CCDC92: variants seen among roughly 807,000 people sequenced by gnomAD.
CCDC92 encodes coiled-coil domain-containing protein 92.
In CCDC92, 12 loss-of-function variants were observed where a neutral mutation model predicts 24.9. The ratio of observed to expected loss-of-function variants is 0.48; its 90% CI spans 0.31 to 0.78. The LOEUF (loss-of-function observed/expected upper bound fraction) is 0.78, where lower values mean the gene tolerates loss of function less well. Among genes scored for constraint, CCDC92 ranks in the 30% least tolerant of loss-of-function variants. The probability of loss-of-function intolerance (pLI) is 0.05; values close to 1 mark genes in which losing one functional copy is unlikely to be tolerated. For synonymous variants in CCDC92, 193 were observed against 196.3 expected, an observed-to-expected ratio of 0.98 and a Z score of 0.14; for missense variants, 399 against 439.4, an observed-to-expected ratio of 0.91 and a Z score of 0.82.
At chr12:123,939,819 C>A (rs1955631642) in intron 4 of CCDC92, among the ~76,000 whole-genome samples, 1 of 152,188 alleles carries the variant, frequency 6.6e-6, no homozygotes, top group South Asian at 2.1e-4. Context: ...CCCAGGAGCC[C>A]AGCCACCTGG....
rs774587971 is a variant in CCDC92, at chr12:123,937,565, G to A, written c.489C>T (p.His163=). 8.7e-6 allele frequency: 14 copies of A among 1,612,740 alleles called. No homozygotes were observed. The highest frequency in any genetic ancestry group is 4.5e-5 in the East Asian group (2 of 44,870). ...AGCTCATGAGCTTCTTCTTGGCGGC[G>A]TGCAGCTGGGAGGTCAGGTAGGCGA... ...STIAYLTSQL[H]AAKKKLMSSS... Residue 163 remains histidine (H), a synonymous_variant, in exon 5 of 5, where the codon CAC becomes CAT. Transcript: ENST00000238156. This position sits in a 1 kb window ranked among gnomAD's most constrained non-coding sequence, Gnocchi z 8.4.
chr12:123,962,181 A>G (rs7312404), intron 1 of CCDC92, among the ~76,000 whole-genome samples: 48,595 of 152,042 alleles, frequency 0.32, 7,928 homozygotes, highest in Middle Eastern at 0.37. Flanking sequence ...AGAATAAGAG[A>G]AAATGCTTCC....
chr12:123,940,131 C>G (rs1191827102), intron 4 of CCDC92, among the ~76,000 whole-genome samples: 3 of 152,216 alleles, frequency 2.0e-5, no homozygotes, highest in Admixed American at 6.5e-5. Context: ...GGGCTTTGCT[C>G]ATGTCCTGTG....
chr12:123,951,827 G>C (rs1377565391), intron 1 of CCDC92, among the ~76,000 whole-genome samples: 1 of 152,178 alleles, frequency 6.6e-6, no homozygotes, highest in Non-Finnish European at 1.5e-5. Context: ...TGTAACAGGA[G>C]GATAAAATGA....
intron 1 of CCDC92, among the ~76,000 whole-genome samples, chr12:123,952,899 G>A (rs1223796011): frequency 6.6e-6 from 1 of 152,168 alleles, no homozygotes; most frequent in Admixed American, 6.5e-5. Context: ...GTGAGGTTGA[G>A]AGCTTAGCAC....
At chr12:123,943,218 A>C in intron 3 of CCDC92, 129 bp downstream of exon 3, 2 of 947,162 alleles carry the variant, frequency 2.1e-6, no homozygotes, top group Non-Finnish European at 3.1e-6. Flanking sequence ...GGATGATATA[A>C]GGCATTCAGA....
chr12:123,968,821 C>T (rs1481910712), intron 1 of CCDC92, among the ~76,000 whole-genome samples: 1 of 152,196 alleles, frequency 6.6e-6, no homozygotes, highest in Non-Finnish European at 1.5e-5. Flanking sequence ...AAGCATGAAA[C>T]AAACTCATCT....
In CCDC92 at chr12:123,943,431, T is replaced by C. The variant is rs779406895; in HGVS notation, c.97A>G (p.Asn33Asp). 6.2e-7 allele frequency: 1 copy of C among 1,614,138 alleles called. No individual in the cohort carries two copies. Among genetic ancestry groups the C allele is most frequent in the Non-Finnish European group, 8.5e-7 (1 of 1,179,992 alleles). The change falls in exon 3 of 5, where the codon AAC (asparagine) becomes GAC (aspartate). Residue 33 changes from asparagine to aspartate, a missense_variant. By Grantham distance (23) the Asn-to-Asp change is conservative. Transcript: ENST00000238156. ...LENQLHSAQK[N>D]LLFLQREHAS... ...TGCTCCCGCTGAAGGAACAGGAGGT[T>C]CTTCTGTGCGCTGTGCAGCTGGTTC...
At chr12:123,943,829 G>A (rs1955765617) in intron 2 of CCDC92, 4 of 451,886 alleles carry the variant, frequency 8.9e-6, no homozygotes, top group African/African-American at 3.9e-5. Flanking sequence ...GCAGATTCGC[G>A]AGCCTGGGGT....
rs907456617 is a variant in CCDC92, at chr12:123,943,687, G to C, written c.35-194C>G. ...GCAGGGAGGCCCCAGGCCAGGGACGGCAGCCTCTGCTTCCCGAACGCCTTG... is the reference window on the plus strand; with the variant it reads ...GCAGGGAGGCCCCAGGCCAGGGACGCCAGCCTCTGCTTCCCGAACGCCTTG... On this transcript the variant is annotated intron_variant, in intron 2 of 4. Transcript: ENST00000238156. The C allele has an allele frequency of 2.1e-5, 13 of 631,752 alleles. No homozygotes were observed. In the African/African-American group the frequency reaches 2.4e-4, roughly 12 times the overall value. The allele number at this position is 631,752 out of a possible 1,614,324, so 39.1% of individuals were successfully genotyped here. A position where few individuals can be genotyped will look rare whatever the true frequency, so the allele number is the denominator to read the frequency against.
At chr12:123,969,459 C>T (rs956246976) in intron 1 of CCDC92, among the ~76,000 whole-genome samples, 2 of 135,700 alleles carry the variant, frequency 1.5e-5, no homozygotes, top group African/African-American at 2.8e-5. Flanking sequence ...ATCTCTTATT[C>T]AGTTTTTTTT....
At chr12:123,953,800 A>G (rs1178328829) in intron 1 of CCDC92, among the ~76,000 whole-genome samples, 1 of 151,188 alleles carries the variant, frequency 6.6e-6, no homozygotes, top group Non-Finnish European at 1.5e-5. Context: ...AAAAACAAAA[A>G]CAAAAATTAG....
intron 1 of CCDC92, 43 bp from the exon 2 acceptor site, chr12:123,944,407 T>A: frequency 9.3e-7 from 1 of 1,070,782 alleles, no homozygotes; most frequent in Non-Finnish European, 1.3e-6. Flanking sequence ...ATTATTATTG[T>A]AAATACAGAA....
chr12:123,948,815 A>G (rs1003731285), intron 1 of CCDC92, among the ~76,000 whole-genome samples: 6 of 152,244 alleles, frequency 3.9e-5, no homozygotes, highest in Non-Finnish European at 5.9e-5. Context: ...AAGAGTAACA[A>G]TATCACTGGC....
Position 123,964,961 on chromosome 12 carries a change from A to G in CCDC92, c.-60+7568T>C, listed in dbSNP as rs556113259. On this transcript the variant is annotated intron_variant, in intron 1 of 4. Transcript: ENST00000238156. Reference sequence around the variant, plus strand: ...GTGAGGCAATTAGTTAATAATTTATATTTACCTAAAAACTGATAAAGAAAT... The same window carrying G: ...GTGAGGCAATTAGTTAATAATTTATGTTTACCTAAAAACTGATAAAGAAAT... 1.1e-4 allele frequency among the ~76,000 whole-genome samples: 16 copies of G among 152,356 alleles called. No homozygotes were observed. In the East Asian group the frequency reaches 3.1e-3, roughly 29 times the overall value.
At chr12:123,948,580 G>A (rs1429096795) in intron 1 of CCDC92, among the ~76,000 whole-genome samples, 1 of 152,236 alleles carries the variant, frequency 6.6e-6, no homozygotes, top group African/African-American at 2.4e-5. Flanking sequence ...CCTCACAGTG[G>A]GGGACAAGGG....
chr12:123,936,999 TGAG>T lies in CCDC92; in HGVS notation c.*56_*58del. On this transcript the variant is annotated 3_prime_UTR_variant, in exon 5 of 5. Coordinates refer to ENST00000238156, the MANE Select transcript of CCDC92 (RefSeq NM_025140.3). The stretch of plus-strand genomic sequence containing the variant: ...TGGGATTAAACAGAAAAGGTGTGGC[TGAG>T]ATTTCCCAGTGGTGCTCACAGTGCA... 6.4e-7 allele frequency: 1 copy of T among 1,563,878 alleles called. No individual in the cohort carries two copies. The highest frequency in any genetic ancestry group is 8.8e-7 in the Non-Finnish European group (1 of 1,140,880).
chr12:123,948,127 G>C (rs1480828752), intron 1 of CCDC92, among the ~76,000 whole-genome samples: 1 of 152,134 alleles, frequency 6.6e-6, no homozygotes, highest in African/African-American at 2.4e-5. Context: ...GGCACACCTT[G>C]CTCAAAGAAA....
At chr12:123,952,872 T>C (rs752418051) in intron 1 of CCDC92, among the ~76,000 whole-genome samples, 5 of 152,196 alleles carry the variant, frequency 3.3e-5, no homozygotes, top group Non-Finnish European at 7.3e-5. Flanking sequence ...TAGGCTTTTT[T>C]AATCTAGCAA....
Sources: gnomAD v4.1 joint callset for allele counts (sites outside exome capture counted in the v4.1 genomes callset) on GRCh38, gnomAD v4.1.1 for gene constraint, Gnocchi (gnomAD v3.1) non-coding constraint, MANE v1.5 for transcripts, NCBI Gene and HGNC (gene_info 2026-07-23, HGNC 2026-07-21) for gene names.